The following ZNF532 variants were observed in gnomAD, a reference collection of about 807,000 sequenced individuals.
ZNF532 encodes zinc finger protein 532.
A neutral mutation model predicts 89.3 loss-of-function variants in ZNF532; 22 were observed. The observed-to-expected ratio is 0.25, with a 90% CI of 0.18 to 0.35. The LOEUF (loss-of-function observed/expected upper bound fraction) is 0.35, where lower values mean the gene tolerates loss of function less well. ZNF532 is among the 10% of genes least tolerant of loss of function. The probability of loss-of-function intolerance (pLI) is 1.00; values close to 1 mark genes in which losing one functional copy is unlikely to be tolerated. For synonymous variants in ZNF532, 606 were observed against 649.6 expected, an observed-to-expected ratio of 0.93 and a Z score of 1.02; for missense variants, 1,132 against 1,643.4, an observed-to-expected ratio of 0.69 and a Z score of 5.38.
At chr18:58,936,075 C>T (rs73439956) in intron 4 of ZNF532, among the ~76,000 whole-genome samples, 11,728 of 152,186 alleles carry the variant, frequency 0.077, 996 homozygotes, top group African/African-American at 0.21. Context: ...TGGTGGAAAC[C>T]TTTGGCTTGG....
chr18:58,939,265 A>AC (rs2062763864), intron 4 of ZNF532, among the ~76,000 whole-genome samples, 180 bp from the exon 5 acceptor site: 2 of 149,648 alleles, frequency 1.3e-5, no homozygotes, highest in Non-Finnish European at 3.0e-5. Flanking sequence ...AAAAAAAAAA[A>AC]AAAAAAAAAA....
rs559146359 is a variant in ZNF532, at chr18:58,974,017, A to G, written c.3151-5038A>G. Among the ~76,000 whole-genome samples, 133 of 152,242 alleles carry G rather than the reference A, an allele frequency of 8.7e-4. 4 individuals carry two copies. In the South Asian group the frequency reaches 0.027, roughly 31 times the overall value. On this transcript the variant is annotated intron_variant, in intron 7 of 9. Transcript: ENST00000591808. ...GGTTGATTATAAAGGGCACGTGGGA[A>G]TTTTGGGGGATGACACAACTGTTCT...
intron 2 of ZNF532, among the ~76,000 whole-genome samples, chr18:58,895,003 A>G (rs1241046205): frequency 6.6e-6 from 1 of 152,228 alleles, no homozygotes; most frequent in Non-Finnish European, 1.5e-5. Context: ...AAAAGTTACT[A>G]TCCCACAGGA....
rs745856753 is a variant in ZNF532 at position 58,948,177 on chromosome 18, C to A, written c.2816C>A (p.Pro939Gln). 5.0e-6 allele frequency: 8 copies of A among 1,613,948 alleles called. No individual in the cohort carries two copies. The South Asian group carries it at 8.8e-5, about 18-fold the overall frequency. ...ENQKVSVFKCPDCSLLYAQKQ... is the reference protein window; with the variant it reads ...ENQKVSVFKCQDCSLLYAQKQ... ...CAGAAGGTGTCTGTTTTCAAGTGTC[C>A]AGACTGTTCTCTTTTATATGCACAG... Residue 939 changes from proline (P) to glutamine (Q), a missense_variant, in exon 6 of 10, where the codon CCA becomes CAA. Coordinates refer to ENST00000591808, the MANE Select transcript of ZNF532 (RefSeq NM_001375912.1).
intron 2 of ZNF532, among the ~76,000 whole-genome samples, chr18:58,886,234 G>A (rs2058295219): frequency 6.6e-6 from 1 of 152,146 alleles, no homozygotes; most frequent in Admixed American, 6.5e-5. Flanking sequence ...TCCTGCCTTG[G>A]CCTCCCAAAG....
chr18:58,886,067 C>T (rs1408155598), intron 2 of ZNF532, among the ~76,000 whole-genome samples: 2 of 152,072 alleles, frequency 1.3e-5, no homozygotes, highest in South Asian at 2.1e-4. Context: ...GCCTCCGCCT[C>T]CCAGGTTCAA....
At chr18:58,921,376 G>A (rs1474363479) in intron 3 of ZNF532, among the ~76,000 whole-genome samples, 1 of 152,134 alleles carries the variant, frequency 6.6e-6, no homozygotes. Flanking sequence ...CTATCTGCTG[G>A]CAGCTCTACT....
chr18:58,941,879 ATCTT>A (rs200816599), intron 5 of ZNF532, among the ~76,000 whole-genome samples: 4,627 of 106,872 alleles, frequency 0.043, 254 homozygotes, highest in African/African-American at 0.15. Flanking sequence ...CTTTCTTTCC[ATCTT>A]TCTTCCTTCC....
At position 58,866,639 on chromosome 18, in the gene ZNF532, G is replaced by A. The variant is rs1162368238; in HGVS notation, c.-18+1060G>A. 3.3e-5 allele frequency among the ~76,000 whole-genome samples: 5 copies of A among 152,366 alleles called. No homozygotes were observed. In the East Asian group the frequency reaches 9.6e-4, roughly 29 times the overall value. The stretch of plus-strand genomic sequence containing the variant: ...ATTTTGTTCCTCTCCGTGTTCAGCA[G>A]AATAGGGGCTTTTCAGCAGTGCCGA... On this transcript the variant is annotated intron_variant, in intron 2 of 9. Coordinates refer to ENST00000591808, the MANE Select transcript of ZNF532 (RefSeq NM_001375912.1).
chr18:58,915,049 T>G (rs1321487724), intron 2 of ZNF532, among the ~76,000 whole-genome samples: 4 of 152,220 alleles, frequency 2.6e-5, no homozygotes, highest in African/African-American at 4.8e-5. Flanking sequence ...CACTTGCTCT[T>G]GCCTTCCAGA....
chr18:58,912,888 A>C lies in ZNF532; in HGVS notation c.-17-5383A>C, dbSNP rs1013749756. 5.8e-4 allele frequency among the ~76,000 whole-genome samples: 89 copies of C among 152,202 alleles called. 2 individuals carry two copies. The highest frequency in any genetic ancestry group is 2.8e-3 in the Admixed American group (43 of 15,280). On this transcript the variant is annotated intron_variant, in intron 2 of 9. Coordinates refer to ENST00000591808, the MANE Select transcript of ZNF532 (RefSeq NM_001375912.1). ...CTGCACTTCCTAGAGAGAGGCAGTGAACCATGGCAGCTGCTCCAGAGGCGC... is the reference window on the plus strand; with the variant it reads ...CTGCACTTCCTAGAGAGAGGCAGTGCACCATGGCAGCTGCTCCAGAGGCGC...
At chr18:58,888,785 A>ATCTATAT (rs1568246462) in intron 2 of ZNF532, among the ~76,000 whole-genome samples, 1 of 43,058 alleles carries the variant, frequency 2.3e-5, no homozygotes, top group Non-Finnish European at 3.6e-5. Flanking sequence ...ATATATATAT[A>ATCTATAT]AAATATATAT....
Position 58,984,154 on chromosome 18 carries a change from G to A in ZNF532, c.3594G>A (p.Ser1198=), listed in dbSNP as rs754137031. The A allele has an allele frequency of 1.3e-5, 21 of 1,611,590 alleles. No individual in the cohort carries two copies. Among genetic ancestry groups the A allele is most frequent in the South Asian group, 2.2e-5 (2 of 90,972 alleles). Residue 1198 remains serine, a synonymous_variant, in exon 10 of 10, where the codon TCG becomes TCA. Transcript: ENST00000591808. ...ACGAACACATCCCTCAGCACAAATC[G>A]GATGGTTCTTCCTACCAGTGCCGGG... The part of the protein sequence containing the change: ...QFHEHIPQHK[S]DGSSYQCREC...
At chr18:58,921,499 T>C (rs576349045) in intron 3 of ZNF532, among the ~76,000 whole-genome samples, 1 of 152,334 alleles carries the variant, frequency 6.6e-6, no homozygotes, top group South Asian at 2.1e-4. Context: ...CAGAAGTGTG[T>C]TCAGTAATAT....
intron 7 of ZNF532, 61 bp from the exon 8 acceptor site, chr18:58,978,994 C>CT (rs1246324446): frequency 7.5e-7 from 1 of 1,336,680 alleles, no homozygotes; most frequent in Non-Finnish European, 1.1e-6. Context: ...CAAAAGAGTT[C>CT]TTAATTGTTT....
chr18:58,900,758 A>C (rs1311976694), intron 2 of ZNF532, among the ~76,000 whole-genome samples: 2 of 152,184 alleles, frequency 1.3e-5, no homozygotes, highest in Non-Finnish European at 2.9e-5. Context: ...GCCTCTTTAA[A>C]GCACACAGGT....
At chr18:58,905,683 C>T (rs950980702) in intron 2 of ZNF532, among the ~76,000 whole-genome samples, 5 of 152,116 alleles carry the variant, frequency 3.3e-5, no homozygotes, top group African/African-American at 7.2e-5. Flanking sequence ...CATGCTTGGC[C>T]GGTTCTCTTT....
At chr18:58,954,300 T>C in intron 7 of ZNF532, 1 of 985,890 alleles carries the variant, frequency 1.0e-6, no homozygotes, top group South Asian at 4.7e-5. Flanking sequence ...CTGAAAAATC[T>C]GAGTCACATA....
chr18:58,901,080 A>G (rs1256091349), intron 2 of ZNF532, among the ~76,000 whole-genome samples: 3 of 152,052 alleles, frequency 2.0e-5, no homozygotes, highest in Non-Finnish European at 2.9e-5. Flanking sequence ...GCCTGTTTCT[A>G]TTTCTACCTT....
Sources: gnomAD v4.1 joint callset for allele counts (sites outside exome capture counted in the v4.1 genomes callset) on GRCh38, gnomAD v4.1.1 for gene constraint, MANE v1.5 for transcripts, NCBI Gene and HGNC (gene_info 2026-07-23, HGNC 2026-07-21) for gene names.